UNC13C: variants seen among roughly 807,000 people sequenced by gnomAD.
UNC13C encodes unc-13 homolog C.
Under a neutral mutation model 245.4 loss-of-function variants are expected in UNC13C, and 174 were observed. The observed-to-expected ratio is 0.71, with a 90% CI of 0.63 to 0.80. The LOEUF (loss-of-function observed/expected upper bound fraction) is 0.80. Ranked by LOEUF, UNC13C falls within the 30% of genes least tolerant of loss-of-function variation. UNC13C has a pLI of 0.00. For missense variants in UNC13C, 2,829 were observed against 2,602.9 expected (o/e 1.09, Z -1.89); for synonymous variants, 992 against 895.1 (o/e 1.11, Z -1.93).
intron 26 of UNC13C, among the ~76,000 whole-genome samples, chr15:54,535,566 G>A (rs1004867107): frequency 1.3e-5 from 2 of 151,936 alleles, no homozygotes; most frequent in Admixed American, 6.6e-5. Flanking sequence ...TCTGCACTTG[G>A]CACACACTCT....
At chr15:54,347,458 A>C (rs2038883979) in intron 17 of UNC13C, among the ~76,000 whole-genome samples, 1 of 152,166 alleles carries the variant, frequency 6.6e-6, no homozygotes, top group South Asian at 2.1e-4. Context: ...ACCTAAGAAA[A>C]TTGTATTAAG....
intron 19 of UNC13C, among the ~76,000 whole-genome samples, chr15:54,474,132 G>A (rs1047030920): frequency 6.6e-5 from 10 of 151,978 alleles, no homozygotes; most frequent in Admixed American, 2.0e-4. Flanking sequence ...GGGGGTGCAG[G>A]TATTTCTTTT....
intron 20 of UNC13C, among the ~76,000 whole-genome samples, chr15:54,496,039 G>A (rs1893935920): frequency 6.6e-6 from 1 of 151,960 alleles, no homozygotes; most frequent in Admixed American, 6.6e-5. Context: ...ATCATACTCT[G>A]AAAAGTTGCT....
chr15:54,296,500 G>A (rs1218626351), intron 11 of UNC13C, among the ~76,000 whole-genome samples: 2 of 151,606 alleles, frequency 1.3e-5, no homozygotes, highest in Non-Finnish European at 2.9e-5. Flanking sequence ...TTACAGGCGT[G>A]AGCCATCGCG....
At chr15:53,891,462 A>T in the UNC13C span, among the ~76,000 whole-genome samples, 1 of 151,950 alleles carries the variant, frequency 6.6e-6, no homozygotes, top group Non-Finnish European at 1.5e-5. Context: ...TGACAGTGGG[A>T]TGTTAAAGTC....
intron 30 of UNC13C, among the ~76,000 whole-genome samples, chr15:54,593,336 G>C (rs868506097): frequency 1.3e-5 from 1 of 76,108 alleles, no homozygotes. Flanking sequence ...TGTGCTTCTT[G>C]TATTTGCATC....
At chr15:54,292,341 G>C (rs1436198876) in intron 10 of UNC13C, among the ~76,000 whole-genome samples, 1 of 151,846 alleles carries the variant, frequency 6.6e-6, no homozygotes, top group Non-Finnish European at 1.5e-5. Flanking sequence ...TACATGGTGG[G>C]GTATCTAAAT....
intron 13 of UNC13C, chr15:54,320,674 G>A: frequency 3.0e-6 from 1 of 328,810 alleles, no homozygotes; most frequent in African/African-American, 2.2e-5. Flanking sequence ...TAGCTTCCTT[G>A]TCACTTCTCT....
intron 10 of UNC13C, among the ~76,000 whole-genome samples, chr15:54,278,071 A>G (rs958711802): frequency 1.9e-4 from 29 of 152,066 alleles, no homozygotes; most frequent in African/African-American, 4.1e-4. Flanking sequence ...TCTTATGTCA[A>G]TGCTCTCTAC....
chr15:54,183,404 CTAAA>C, intron 4 of UNC13C, among the ~76,000 whole-genome samples: 1 of 151,052 alleles, frequency 6.6e-6, no homozygotes, highest in Non-Finnish European at 1.5e-5. Context: ...TATTACTTAT[CTAAA>C]TAACCAGCAA....
intron 19 of UNC13C, among the ~76,000 whole-genome samples, chr15:54,467,940 CTTCAACATACTGAT>C (rs143449967): frequency 0.013 from 1,923 of 151,424 alleles, 32 homozygotes; most frequent in African/African-American, 0.044. Flanking sequence ...ATATCTATCT[CTTCAACATACTGAT>C]TTCAATTCCT....
upstream of UNC13C, among the ~76,000 whole-genome samples, chr15:53,974,115 G>C (rs1047555575): frequency 2.0e-5 from 3 of 152,082 alleles, no homozygotes; most frequent in Non-Finnish European, 4.4e-5. Context: ...ATAATGTTTT[G>C]CAAGTTTTTA....
intron 18 of UNC13C, among the ~76,000 whole-genome samples, chr15:54,411,468 T>G (rs1330964716): frequency 6.6e-6 from 1 of 152,230 alleles, no homozygotes; most frequent in African/African-American, 2.4e-5. Context: ...TTTTATAGTT[T>G]TAGGTTTGGC....
chr15:53,927,009 T>C, the UNC13C span, among the ~76,000 whole-genome samples: 1 of 152,220 alleles, frequency 6.6e-6, no homozygotes, highest in Non-Finnish European at 1.5e-5. Context: ...TAGATTGTCA[T>C]CCATTTATTT....
chr15:54,455,205 C>CTCTCTATATATATA (rs1388065398), intron 19 of UNC13C, among the ~76,000 whole-genome samples: 42 of 18,934 alleles, frequency 2.2e-3, no homozygotes, highest in Non-Finnish European at 3.1e-3. Context: ...CTCTCTCTCT[C>CTCTCTATATATATA]TATATATATA....
At chr15:54,615,110 C>G (rs1024903812) in intron 30 of UNC13C, among the ~76,000 whole-genome samples, 5 of 151,804 alleles carry the variant, frequency 3.3e-5, no homozygotes, top group Non-Finnish European at 5.9e-5. Flanking sequence ...TTAAATTTTT[C>G]GTGGGTACAT....
intron 13 of UNC13C, among the ~76,000 whole-genome samples, chr15:54,305,697 G>T (rs12915014): frequency 0.69 from 104,062 of 151,764 alleles, 36,103 homozygotes; most frequent in South Asian, 0.84. Flanking sequence ...TGTCTCAGAA[G>T]TACTTCCTCT....
the UNC13C span, among the ~76,000 whole-genome samples, chr15:53,899,628 G>A: frequency 6.6e-6 from 1 of 152,046 alleles, no homozygotes; most frequent in African/African-American, 2.4e-5. Context: ...TGTTGCCCAG[G>A]ATCTCGGCTC....
intron 3 of UNC13C, 83 bp downstream of exon 3, chr15:54,143,123 T>C: frequency 7.6e-7 from 1 of 1,316,746 alleles, no homozygotes. Flanking sequence ...ATCTGTTTGA[T>C]TCCTCTGTTT....
Sources: allele counts gnomAD v4.1 joint callset (sites outside exome capture counted in the v4.1 genomes callset), GRCh38; gene constraint gnomAD v4.1.1; transcripts MANE v1.5; gene names NCBI Gene and HGNC (gene_info 2026-07-23, HGNC 2026-07-21).